The following APPL2 variants were observed in gnomAD, a reference collection of about 807,000 sequenced individuals.
APPL2 encodes the protein adaptor protein, phosphotyrosine interacting with PH domain and leucine zipper 2.
In APPL2, 84 loss-of-function variants were observed where a neutral mutation model predicts 92.7. The ratio of observed to expected loss-of-function variants is 0.91; its 90% confidence interval spans 0.76 to 1.09. APPL2 has a LOEUF of 1.09. Among genes scored for constraint, APPL2 ranks in the 50% least tolerant of loss-of-function variants. APPL2 has a pLI of 0.00. For synonymous variants in APPL2, 291 were observed against 291.0 expected (o/e 1.00, Z 0.00); for missense variants, 736 against 824.5 (o/e 0.89, Z 1.31).
chr12:105,212,224 T>A (rs1262718122), intron 4 of APPL2, among the ~76,000 whole-genome samples: 1 of 152,038 alleles, frequency 6.6e-6, no homozygotes, highest in African/African-American at 2.4e-5. Context: ...TGCATTTGGA[T>A]GTGATGCTCC....
intron 2 of APPL2, among the ~76,000 whole-genome samples, chr12:105,228,481 G>C (rs1791819958): frequency 6.6e-6 from 1 of 152,184 alleles, no homozygotes; most frequent in African/African-American, 2.4e-5. Flanking sequence ...CAATGAAAAT[G>C]ATCAGTTACC....
intron 20 of APPL2, among the ~76,000 whole-genome samples, chr12:105,175,509 A>G (rs908994560): frequency 6.6e-6 from 1 of 152,260 alleles, no homozygotes; most frequent in African/African-American, 2.4e-5. Context: ...ATTATTGCAG[A>G]AAGTTCTGTA....
chr12:105,204,820 A>G (rs1219041762), intron 8 of APPL2, among the ~76,000 whole-genome samples: 2 of 152,148 alleles, frequency 1.3e-5, no homozygotes, highest in African/African-American at 4.8e-5. Context: ...TCCCTAAGAA[A>G]AGTGGGCGAA....
At chr12:105,229,788 CT>C (rs869281855) in intron 1 of APPL2, 5 of 785,942 alleles carry the variant, frequency 6.4e-6, no homozygotes, top group East Asian at 1.1e-4. Flanking sequence ...TTCTTTCTTT[CT>C]TTTTTTGAGA....
intron 9 of APPL2, among the ~76,000 whole-genome samples, chr12:105,201,381 A>G (rs1888189113): frequency 6.6e-6 from 1 of 152,192 alleles, no homozygotes; most frequent in African/African-American, 2.4e-5. Context: ...GACCAAGCTC[A>G]GCACATAGAA....
chr12:105,179,342 T>C (rs943863270), intron 17 of APPL2, among the ~76,000 whole-genome samples: 2 of 152,226 alleles, frequency 1.3e-5, no homozygotes, highest in African/African-American at 4.8e-5. Flanking sequence ...CTGCATAGTA[T>C]TCCTTGGTGT....
chr12:105,213,634 A>G (rs1481512853), intron 4 of APPL2, among the ~76,000 whole-genome samples: 1 of 152,232 alleles, frequency 6.6e-6, no homozygotes, highest in Admixed American at 6.5e-5. Context: ...TCTCATTCCA[A>G]CGCATTCTAT....
chr12:105,235,998 G>T lies in APPL2; in HGVS notation c.15C>A (p.Asp5Glu). MPAV[D>E]KLLLEEALQD... is the part of the protein sequence containing the mutation. ...GCAACGCCTCCTCTAGCAGGAGCTTGTCCACGGCGGGCATGGTGCGGCGCG... is the reference window on the plus strand; with the variant it reads ...GCAACGCCTCCTCTAGCAGGAGCTTTTCCACGGCGGGCATGGTGCGGCGCG... The change falls in exon 1 of 21, where the codon GAC becomes GAA. Residue 5 changes from aspartate (D) to glutamate (E), a missense_variant. Transcript: ENST00000258530. The T allele has an allele frequency of 8.0e-7, 1 of 1,252,410 alleles. No homozygotes were observed. The allele number at this position is 1,252,410 out of a possible 1,614,324, so 77.6% of individuals were successfully genotyped here.
rs142532020 is a variant in APPL2 at position 105,189,283 on chromosome 12, G to A, written c.1459+489C>T. On this transcript the variant is annotated intron_variant, in intron 16 of 20. Coordinates refer to ENST00000258530, the MANE Select transcript of APPL2 (RefSeq NM_018171.5). Reference sequence around the variant, plus strand: ...TAAGCTCACGTGATTCACCTGCCTCGGCCTCCAAAAGTGCTGGGATTACAG... The same window carrying A: ...TAAGCTCACGTGATTCACCTGCCTCAGCCTCCAAAAGTGCTGGGATTACAG... 2.5e-4 allele frequency among the ~76,000 whole-genome samples: 38 copies of A among 152,082 alleles called. 1 individual carries two copies. The East Asian group carries it at 6.6e-3, about 26-fold the overall frequency.
At chr12:105,222,465 G>A (rs2440707) in intron 2 of APPL2, among the ~76,000 whole-genome samples, 102,641 of 151,514 alleles carry the variant, frequency 0.68, 35,206 homozygotes, top group African/African-American at 0.78. Flanking sequence ...GAGTGAGGAA[G>A]GCGGGGGAGT....
At chr12:105,198,873 A>G (rs1172056056) in intron 10 of APPL2, among the ~76,000 whole-genome samples, 1 of 152,246 alleles carries the variant, frequency 6.6e-6, no homozygotes, top group Non-Finnish European at 1.5e-5. Flanking sequence ...CTCTGCTCAC[A>G]GAAATACTTA....
rs1479677464 is a variant in APPL2, at chr12:105,236,105, A to ACGCGGCGGCCACTCCGTGCC, written c.-113_-94dup. 9 of 966,270 alleles carry ACGCGGCGGCCACTCCGTGCC rather than the reference A, an allele frequency of 9.3e-6. No individual in the cohort carries two copies. The highest frequency in any genetic ancestry group is 3.9e-5 in the East Asian group (1 of 25,962). 59.9% of individuals were successfully genotyped at this position (966,270 alleles called of 1,614,324 possible). ...CACTCCCCGGCTCTGGGCTCAGGCG[A>ACGCGGCGGCCACTCCGTGCC]CGCGGCGGCCACTCCGTGCCCGCGG... On this transcript the variant is annotated 5_prime_UTR_variant, in exon 1 of 21. Coordinates refer to ENST00000258530, the MANE Select transcript of APPL2 (RefSeq NM_018171.5).
chr12:105,231,633 G>A (rs1396969248), intron 1 of APPL2, among the ~76,000 whole-genome samples: 4 of 152,342 alleles, frequency 2.6e-5, no homozygotes, highest in East Asian at 3.9e-4. Flanking sequence ...GGTCCACAGC[G>A]TACAGCCCTG....
intron 5 of APPL2, 91 bp downstream of exon 5, chr12:105,211,139 T>A (rs528428041): frequency 3.8e-4 from 352 of 919,358 alleles, no homozygotes; most frequent in South Asian, 1.1e-3. Flanking sequence ...TTCTCAGCGA[T>A]CCACACATTG....
At chr12:105,219,466 A>G (rs1170573769) in intron 2 of APPL2, among the ~76,000 whole-genome samples, 1 of 152,244 alleles carries the variant, frequency 6.6e-6, no homozygotes, top group Non-Finnish European at 1.5e-5. Context: ...GAAGTCAGCA[A>G]GTGGACAAAG....
chr12:105,194,361 C>T (rs763757219), intron 14 of APPL2, among the ~76,000 whole-genome samples: 5 of 152,100 alleles, frequency 3.3e-5, no homozygotes, highest in Admixed American at 1.3e-4. Context: ...TAACAGTAAA[C>T]GCCAGGGAGA....
In APPL2 at chr12:105,173,581, T is replaced by C. The variant is rs1885189912; in HGVS notation, c.*733A>G. The stretch of plus-strand genomic sequence containing the variant: ...CTGGCTCAGAAGAAACAGGAACTGG[T>C]AGAGCTGCACCCTGTCCACAGTGAT... On this transcript the variant is annotated 3_prime_UTR_variant, in exon 21 of 21. Transcript: ENST00000258530. The C allele has an allele frequency of 1.3e-5, 2 of 152,640 alleles. No individual in the cohort carries two copies. The highest frequency in any genetic ancestry group is 1.3e-4 in the Admixed American group (2 of 15,282). 9.5% of individuals were successfully genotyped at this position (152,640 alleles called of 1,614,324 possible).
intron 17 of APPL2, among the ~76,000 whole-genome samples, chr12:105,181,249 T>G (rs925094821): frequency 6.6e-6 from 1 of 152,220 alleles, no homozygotes; most frequent in African/African-American, 2.4e-5. Context: ...TCTGTTTACG[T>G]GATGGATTAC....
chr12:105,186,653 TATC>T lies in APPL2; in HGVS notation c.1634+1617_1634+1619del, dbSNP rs1254392402. 9.9e-3 allele frequency among the ~76,000 whole-genome samples: 365 copies of T among 36,976 alleles called. 4 individuals are homozygous for T. Among genetic ancestry groups the T allele is most frequent in the African/African-American group, 0.045 (339 of 7,492 alleles). The allele number at this position is 36,976 out of a possible 152,430, so 24.3% of individuals were successfully genotyped here. ...ATATATATCATATATATGATATCGATATCATATATATCATATATATGATATATC... is the reference window on the plus strand; with the variant it reads ...ATATATATCATATATATGATATCGATATATATATCATATATATGATATATC... On this transcript the variant is annotated intron_variant, in intron 17 of 20. Coordinates refer to ENST00000258530, the MANE Select transcript of APPL2 (RefSeq NM_018171.5).
Sources: allele counts gnomAD v4.1 joint callset (sites outside exome capture counted in the v4.1 genomes callset), GRCh38; gene constraint gnomAD v4.1.1; transcripts MANE v1.5; gene names NCBI Gene and HGNC (gene_info 2026-07-23, HGNC 2026-07-21).